Variants in OGDHL observed in about 807,000 individuals in gnomAD.
OGDHL encodes the protein oxoglutarate dehydrogenase L, also known as 2-oxoglutarate dehydrogenase-like, mitochondrial.
OGDHL carries 79 observed loss-of-function variants against 109.6 expected under a neutral mutation model. That is an observed-to-expected ratio of 0.72 (90% CI 0.60 to 0.87). OGDHL has a LOEUF of 0.87. Among genes scored for constraint, OGDHL ranks in the 40% least tolerant of loss-of-function variants. The pLI is 0.00. For missense variants in OGDHL, 1,275 were observed against 1,362.2 expected (o/e 0.94, Z 1.01); for synonymous variants, 528 against 537.2 (o/e 0.98, Z 0.24).
Position 49,756,881 on chromosome 10 carries a change from G to C in OGDHL, c.270C>G (p.Pro90=), listed in dbSNP as rs762469304. ...ACCTGCTCTCATGGACAACAGAAGG[G>C]GGCCGTGGCTGAGCAGAGCCAGAAA... ...EAFSGSAQPR[P]PSVVHESRSA... The change falls in exon 3 of 23, where the codon CCC becomes CCG. Residue 90 remains proline (P), a synonymous_variant. Transcript: ENST00000374103. 6.2e-7 allele frequency: 1 copy of C among 1,614,032 alleles called. No homozygotes were observed. Among genetic ancestry groups the C allele is most frequent in the South Asian group, 1.1e-5 (1 of 91,044 alleles).
rs370905720 is a variant in OGDHL at position 49,751,845 on chromosome 10, C to T, written c.731G>A (p.Arg244Gln). The change falls in exon 6 of 23, where the codon CGG becomes CAG. Residue 244 changes from arginine (R) to glutamine (Q), a missense_variant. By Grantham distance (43) the Arg-to-Gln change is conservative (BLOSUM62 1). Transcript: ENST00000374103. ...SSEEKRTLLA[R>Q]LVRSMRFEDF... ...TGCCAACCTCATGGAGCGCACTAGC[C>T]GGGCCAGCAGGGTCCGCTTCTCCTC... The T allele has an allele frequency of 1.1e-5, 18 of 1,613,798 alleles. No individual in the cohort carries two copies. The African/African-American group carries it at 1.9e-4, about 17-fold the overall frequency.
chr10:49,760,287 C>T (rs925115936), intron 1 of OGDHL, among the ~76,000 whole-genome samples: 1 of 152,234 alleles, frequency 6.6e-6, no homozygotes, highest in African/African-American at 2.4e-5. Flanking sequence ...GTGGCCCAGC[C>T]CACGAGCCAG....
Position 49,745,487 on chromosome 10 carries a change from G to A in OGDHL, c.1486C>T (p.Arg496Cys), listed in dbSNP as rs370076789. 3.3e-5 allele frequency: 53 copies of A among 1,613,872 alleles called. 1 individual carries two copies. Among genetic ancestry groups the A allele is most frequent in the African/African-American group, 2.1e-4 (16 of 75,060 alleles). ...KDVVVDLVCYRRRGHNEMDEP... is the reference protein window; with the variant it reads ...KDVVVDLVCYCRRGHNEMDEP... ...TCCATCTCATTGTGGCCACGCCGGC[G>A]GTAACAGACCTGCAGGAGCAGCCAG... Residue 496 changes from arginine (R) to cysteine (C), a missense_variant, in exon 12 of 23, where the codon CGC (arginine) becomes TGC (cysteine). Physicochemically the swap from Arg to Cys is radical, Grantham distance 180. Coordinates refer to ENST00000374103, the MANE Select transcript of OGDHL (RefSeq NM_018245.3).
chr10:49,740,799 C>T lies in OGDHL; in HGVS notation c.2051G>A (p.Arg684His), dbSNP rs1469103083. The change falls in exon 16 of 23, where the codon CGC (arginine) becomes CAC (histidine). Residue 684 changes from arginine (R) to histidine (H), a missense_variant. Coordinates refer to ENST00000374103, the MANE Select transcript of OGDHL (RefSeq NM_018245.3). ...HHVLHDQEVD[R>H]RTCVPMNHLW... ...ATGATTCATAGGCACACACGTCCTG[C>T]GGTCAACCTCCTGGTCATGGAGAAC... 7 of 1,613,806 alleles carry T rather than the reference C, an allele frequency of 4.3e-6. No individual in the cohort carries two copies. Among genetic ancestry groups the T allele is most frequent in the Admixed American group, 1.7e-5 (1 of 59,996 alleles).
chr10:49,754,256 G>T (rs1008787536), intron 3 of OGDHL, among the ~76,000 whole-genome samples: 2 of 152,194 alleles, frequency 1.3e-5, no homozygotes, highest in South Asian at 2.1e-4. Flanking sequence ...CACCACGAGT[G>T]CTGGGAATAA....
intron 3 of OGDHL, among the ~76,000 whole-genome samples, chr10:49,754,916 G>A (rs1842827609): frequency 1.3e-5 from 2 of 152,226 alleles, no homozygotes; most frequent in Non-Finnish European, 2.9e-5. Flanking sequence ...TGCAACCTGT[G>A]GATTTAGCTG....
At chr10:49,752,335 C>A in intron 4 of OGDHL, 87 bp from the exon 5 acceptor site, 1 of 987,424 alleles carries the variant, frequency 1.0e-6, no homozygotes, top group African/African-American at 1.6e-5. Flanking sequence ...TCTCACCAGA[C>A]CTCCCAGTCT....
chr10:49,742,413 TACACACATAC>T (rs2132993183), intron 15 of OGDHL, among the ~76,000 whole-genome samples: 7 of 706 alleles, frequency 9.9e-3, no homozygotes, highest in South Asian at 0.033. Context: ...ACACACACCA[TACACACATAC>T]ACACCACACA....
At chr10:49,752,535 A>T in intron 4 of OGDHL, 103 bp downstream of exon 4, 2 of 1,000,244 alleles carry the variant, frequency 2.0e-6, no homozygotes, top group Admixed American at 3.5e-5. Flanking sequence ...CTGCTCCCCG[A>T]GCTCCATGGA....
intron 3 of OGDHL, among the ~76,000 whole-genome samples, chr10:49,756,081 T>C (rs1400458127): frequency 6.6e-6 from 1 of 152,224 alleles, no homozygotes; most frequent in African/African-American, 2.4e-5. Context: ...AAAGCATCAT[T>C]TCCATTTGCT....
At chr10:49,742,403 ACACACAC>A (rs2132992574) in intron 15 of OGDHL, among the ~76,000 whole-genome samples, 1 of 141,318 alleles carries the variant, frequency 7.1e-6, no homozygotes, top group African/African-American at 2.6e-5. Context: ...CACACACACC[ACACACAC>A]CATACACACA....
At chr10:49,758,305 G>T in intron 2 of OGDHL, 84 bp downstream of exon 2, 1 of 1,368,934 alleles carries the variant, frequency 7.3e-7, no homozygotes, top group Non-Finnish European at 1.0e-6. Context: ...CAGGCAAGCT[G>T]CTTCTCCCCA....
chr10:49,745,661 A>G, intron 11 of OGDHL, 137 bp downstream of exon 11: 1 of 1,300,604 alleles, frequency 7.7e-7, no homozygotes, highest in Non-Finnish European at 1.1e-6. Flanking sequence ...CTTTGCACAG[A>G]TTGCTCTTGG....
chr10:49,750,729 T>C, intron 7 of OGDHL, 110 bp downstream of exon 7: 1 of 1,387,314 alleles, frequency 7.2e-7, no homozygotes, highest in Non-Finnish European at 9.5e-7. Flanking sequence ...AACCCACCTC[T>C]ACCCCCAGGT....
chr10:49,746,842 C>T lies in OGDHL; in HGVS notation c.1204G>A (p.Ala402Thr). The T allele has an allele frequency of 6.2e-7, 1 of 1,614,056 alleles. No homozygotes were observed. The highest frequency in any genetic ancestry group is 8.5e-7 in the Non-Finnish European group (1 of 1,179,994). Residue 402 changes from alanine to threonine, a missense_variant, in exon 10 of 23, where the codon GCT becomes ACT. Transcript: ENST00000374103. The stretch of plus-strand genomic sequence containing the variant: ...GTCTCATATACCACGCCCTGGCCAG[C>T]AAAGGCGGCGTCCCCATGAACCAGG... ...SILVHGDAAF[A>T]GQGVVYETFH...
intron 11 of OGDHL, 60 bp from the exon 12 acceptor site, chr10:49,745,556 C>A: frequency 6.3e-7 from 1 of 1,598,510 alleles, no homozygotes; most frequent in Non-Finnish European, 8.5e-7. Context: ...AATGTAGCTG[C>A]TGCAAAATTG....
chr10:49,749,670 C>T, intron 8 of OGDHL, 56 bp downstream of exon 8: 1 of 1,461,230 alleles, frequency 6.8e-7, no homozygotes, highest in Non-Finnish European at 9.3e-7. Context: ...CCTCCACAGT[C>T]CACCTCCCAA....
intron 8 of OGDHL, among the ~76,000 whole-genome samples, chr10:49,749,004 T>A (rs1176967238): frequency 6.6e-6 from 1 of 151,120 alleles, no homozygotes; most frequent in Admixed American, 6.6e-5. Context: ...AGGCCAGGAG[T>A]TCAAGACCAG....
At chr10:49,757,423 CAGTT>C (rs1435608937) in intron 2 of OGDHL, among the ~76,000 whole-genome samples, 1 of 152,220 alleles carries the variant, frequency 6.6e-6, no homozygotes, top group Non-Finnish European at 1.5e-5. Flanking sequence ...GTGGGAGACT[CAGTT>C]GGTACAATCC....
Sources: gnomAD v4.1 joint callset for allele counts (sites outside exome capture counted in the v4.1 genomes callset) on GRCh38, gnomAD v4.1.1 for gene constraint, MANE v1.5 for transcripts, NCBI Gene and HGNC (gene_info 2026-07-23, HGNC 2026-07-21) for gene names.